INSL6: variants seen among roughly 807,000 people sequenced by gnomAD.
The protein encoded by INSL6 is insulin-like peptide INSL6.
In INSL6, 16 loss-of-function variants were observed where a neutral mutation model predicts 9.4. That is an observed-to-expected ratio of 1.70 (90% confidence interval 1.15 to 2.59). The LOEUF is 2.59. Ranked by LOEUF, INSL6 falls within the 30% of genes most tolerant of loss-of-function variation. The pLI is 0.00. For missense variants in INSL6, 391 were observed against 257.3 expected (o/e 1.52, Z -3.56); for synonymous variants, 154 against 96.9 (o/e 1.59, Z -3.46).
At chr9:5,026,469 C>T in the INSL6 span, among the ~76,000 whole-genome samples, 1 of 152,128 alleles carries the variant, frequency 6.6e-6, no homozygotes, top group Non-Finnish European at 1.5e-5. Flanking sequence ...GAATTTAAGT[C>T]TTTCTTGTCA....
chr9:5,123,022 G>C (rs761304950), downstream of INSL6: 24 of 1,610,458 alleles, frequency 1.5e-5, no homozygotes, highest in African/African-American at 2.9e-4. Context: ...CAGAATCACT[G>C]ACAGAGAGCA....
At chr9:5,151,859 A>C (rs1404011911) in intron 2 of INSL6, among the ~76,000 whole-genome samples, 1 of 152,194 alleles carries the variant, frequency 6.6e-6, no homozygotes, top group East Asian at 1.9e-4. Context: ...AACTTGATGA[A>C]AAAGCAAGAA....
chr9:5,085,542 G>A, the INSL6 span: 80 of 704,708 alleles, frequency 1.1e-4, 1 homozygote, highest in East Asian at 2.1e-3. Flanking sequence ...CAATAACTCG[G>A]GTTAAAATAG....
At chr9:5,179,150 A>G (rs1481416144) in intron 1 of INSL6, among the ~76,000 whole-genome samples, 1 of 152,180 alleles carries the variant, frequency 6.6e-6, no homozygotes, top group African/African-American at 2.4e-5. Flanking sequence ...ATCTATAAGT[A>G]ACTTAAACAA....
At chr9:5,147,493 T>C (rs534129210) in intron 2 of INSL6, among the ~76,000 whole-genome samples, 1 of 152,314 alleles carries the variant, frequency 6.6e-6, no homozygotes, top group African/African-American at 2.4e-5. Context: ...GCTTGATAGC[T>C]CTGGCAGGGA....
chr9:5,028,915 C>T, the INSL6 span, among the ~76,000 whole-genome samples: 13 of 152,204 alleles, frequency 8.5e-5, no homozygotes, highest in African/African-American at 2.9e-4. Flanking sequence ...ACTTTTGTCA[C>T]ATCATCAATA....
At chr9:5,110,257 CTT>C in the INSL6 span, 1 of 152,206 alleles carries the variant, frequency 6.6e-6, no homozygotes, top group Non-Finnish European at 1.5e-5. Context: ...CGCTTCTACC[CTT>C]TAATAGAAAA....
At chr9:4,999,762 A>G in the INSL6 span, among the ~76,000 whole-genome samples, 1 of 152,168 alleles carries the variant, frequency 6.6e-6, no homozygotes, top group Non-Finnish European at 1.5e-5. Context: ...ATCATTTTTA[A>G]TATCTTTATA....
the INSL6 span, among the ~76,000 whole-genome samples, chr9:5,116,970 G>A: frequency 3.3e-5 from 5 of 152,292 alleles, no homozygotes; most frequent in East Asian, 7.7e-4. Context: ...ACATTTCAAC[G>A]ATTGGTTGAA....
chr9:5,068,507 A>G, the INSL6 span, among the ~76,000 whole-genome samples: 1 of 152,212 alleles, frequency 6.6e-6, no homozygotes, highest in Admixed American at 6.5e-5. Context: ...ATGAATGAAT[A>G]AAGGTTCATT....
intron 1 of INSL6, among the ~76,000 whole-genome samples, chr9:5,168,829 G>C (rs1825115853): frequency 1.3e-5 from 2 of 151,998 alleles, no homozygotes; most frequent in African/African-American, 4.8e-5. Context: ...GCCAGAGAAA[G>C]GTCGAGTCAC....
the INSL6 span, among the ~76,000 whole-genome samples, chr9:5,064,025 G>A: frequency 2.0e-5 from 3 of 152,018 alleles, no homozygotes; most frequent in Non-Finnish European, 4.4e-5. Flanking sequence ...GCGTCTTGGC[G>A]TGTGCCTGTA....
the INSL6 span, among the ~76,000 whole-genome samples, chr9:5,079,598 G>A: frequency 6.6e-6 from 1 of 151,120 alleles, no homozygotes; most frequent in Non-Finnish European, 1.5e-5. Context: ...GCATTATGAA[G>A]AAATACCAAA....
At chr9:5,034,659 C>A in the INSL6 span, among the ~76,000 whole-genome samples, 15,985 of 151,448 alleles carry the variant, frequency 0.11, 2,475 homozygotes, top group African/African-American at 0.34. Context: ...AACGAAATGA[C>A]GGCAGAAATA....
At chr9:5,137,739 G>C (rs1018835756) in intron 2 of INSL6, among the ~76,000 whole-genome samples, 3 of 152,086 alleles carry the variant, frequency 2.0e-5, no homozygotes, top group Non-Finnish European at 2.9e-5. Context: ...TTGACATATG[G>C]GATCTAATTA....
At chr9:5,098,353 G>A in the INSL6 span, 2 of 152,170 alleles carry the variant, frequency 1.3e-5, no homozygotes, top group Non-Finnish European at 2.9e-5. Context: ...GGCTCATCCA[G>A]TTCAATTAGG....
chr9:5,121,181 G>A (rs887717150), downstream of INSL6, among the ~76,000 whole-genome samples: 1 of 152,138 alleles, frequency 6.6e-6, no homozygotes, highest in Non-Finnish European at 1.5e-5. Flanking sequence ...CACAAAGATA[G>A]AAGGAAAACA....
chr9:5,165,390 C>T (rs897601523), intron 1 of INSL6, among the ~76,000 whole-genome samples: 5 of 152,244 alleles, frequency 3.3e-5, no homozygotes, highest in African/African-American at 1.2e-4. Context: ...TTTTCAATCC[C>T]AGCATCGGTA....
chr9:5,155,040 G>A (rs1824788841), intron 2 of INSL6, among the ~76,000 whole-genome samples: 1 of 151,710 alleles, frequency 6.6e-6, no homozygotes, highest in Non-Finnish European at 1.5e-5. Context: ...GTTTATTGCG[G>A]CACTATTCAC....
Sources: allele counts gnomAD v4.1 joint callset (sites outside exome capture counted in the v4.1 genomes callset), GRCh38; gene constraint gnomAD v4.1.1; transcripts MANE v1.5; gene names NCBI Gene and HGNC (gene_info 2026-07-23, HGNC 2026-07-21).